Variants in TCF12 observed in about 807,000 individuals in gnomAD.
TCF12 encodes DNA-binding protein HTF4.
Under a neutral mutation model 86.0 loss-of-function variants are expected in TCF12, and 45 were observed. The ratio of observed to expected loss-of-function variants is 0.52; its 90% CI spans 0.41 to 0.67. The LOEUF is 0.67. TCF12 is among the 30% of genes least tolerant of loss of function. The pLI is 0.00. For synonymous variants in TCF12, 330 were observed against 299.6 expected (o/e 1.10, Z -1.05); for missense variants, 881 against 859.9 (o/e 1.02, Z -0.31).
intron 13 of TCF12, among the ~76,000 whole-genome samples, chr15:57,245,416 C>T (rs1332695135): frequency 1.3e-5 from 2 of 152,372 alleles, no homozygotes; most frequent in South Asian, 4.1e-4. Context: ...GTAACTCTAA[C>T]CCTACTCACC....
chr15:57,010,162 T>G (rs2064735243), intron 3 of TCF12, among the ~76,000 whole-genome samples: 1 of 152,100 alleles, frequency 6.6e-6, no homozygotes, highest in African/African-American at 2.4e-5. Context: ...CCCCTCCCTT[T>G]TTTTTAAAAA....
chr15:56,984,249 G>GATGTGT (rs2063055206), intron 3 of TCF12, among the ~76,000 whole-genome samples: 1 of 122,988 alleles, frequency 8.1e-6, no homozygotes, highest in South Asian at 3.0e-4. Flanking sequence ...GCATGTGCAT[G>GATGTGT]GTGTGTGTGT....
intron 13 of TCF12, among the ~76,000 whole-genome samples, chr15:57,243,840 A>G (rs1337317770): frequency 6.6e-6 from 1 of 152,188 alleles, no homozygotes; most frequent in Admixed American, 6.5e-5. Context: ...AATTGGAATG[A>G]AGATAAAATA....
chr15:57,187,560 A>G (rs2056746802), intron 6 of TCF12, among the ~76,000 whole-genome samples: 1 of 152,182 alleles, frequency 6.6e-6, no homozygotes, highest in Admixed American at 6.5e-5. Context: ...AAGAAAGTTT[A>G]CAAATTTGTG....
At chr15:57,200,252 A>C (rs1013150329) in intron 8 of TCF12, among the ~76,000 whole-genome samples, 1 of 152,114 alleles carries the variant, frequency 6.6e-6, no homozygotes. Context: ...TCTAGGATTA[A>C]CTGAAAAGAT....
At chr15:57,032,102 AGGAAAGAGCTTG>A (rs1473628401) in intron 3 of TCF12, among the ~76,000 whole-genome samples, 3 of 152,184 alleles carry the variant, frequency 2.0e-5, no homozygotes, top group Non-Finnish European at 4.4e-5. Context: ...TGGAAAAGAG[AGGAAAGAGCTTG>A]GGAAAGAGAC....
intron 4 of TCF12, among the ~76,000 whole-genome samples, chr15:57,075,791 T>TC (rs1491092534): frequency 4.3e-4 from 25 of 57,600 alleles, no homozygotes; most frequent in African/African-American, 1.7e-3. Context: ...TCTTTCTTTC[T>TC]TTCTTTCTTT....
chr15:57,133,459 G>T (rs1354517496), intron 5 of TCF12, among the ~76,000 whole-genome samples: 1 of 152,202 alleles, frequency 6.6e-6, no homozygotes, highest in African/African-American at 2.4e-5. Context: ...CAGAGAGCCT[G>T]CCCCCTCCGA....
At chr15:57,170,675 A>ATTATATATAATAT (rs1486411354) in intron 6 of TCF12, among the ~76,000 whole-genome samples, 1 of 9,472 alleles carries the variant, frequency 1.1e-4, no homozygotes, top group South Asian at 1.8e-3. Context: ...ATATATATAT[A>ATTATATATAATAT]ATATATTATA....
intron 5 of TCF12, among the ~76,000 whole-genome samples, chr15:57,113,663 G>T (rs138050329): frequency 2.0e-5 from 3 of 151,600 alleles, no homozygotes; most frequent in Non-Finnish European, 1.5e-5. Flanking sequence ...TTTAGGCTGG[G>T]CTCAGTCGCT....
At chr15:57,227,900 G>C (rs979101698) in intron 8 of TCF12, among the ~76,000 whole-genome samples, 5 of 151,900 alleles carry the variant, frequency 3.3e-5, no homozygotes, top group African/African-American at 1.2e-4. Flanking sequence ...TTGACTCCTG[G>C]TAGATTTTAA....
chr15:57,204,261 C>G (rs2057701726), intron 8 of TCF12, among the ~76,000 whole-genome samples: 1 of 151,942 alleles, frequency 6.6e-6, no homozygotes, highest in Non-Finnish European at 1.5e-5. Flanking sequence ...CATAGTGAGA[C>G]CTTGTCTGCA....
chr15:56,996,163 A>G (rs2063703810), intron 3 of TCF12, among the ~76,000 whole-genome samples: 1 of 151,950 alleles, frequency 6.6e-6, no homozygotes. Context: ...ATACCTTTTG[A>G]TGTGTTGGGG....
intron 3 of TCF12, among the ~76,000 whole-genome samples, chr15:56,949,670 C>T (rs1044568841): frequency 6.6e-6 from 1 of 152,140 alleles, no homozygotes; most frequent in Non-Finnish European, 1.5e-5. Context: ...ATAATTTGTG[C>T]CAGGCTCTGT....
chr15:57,262,327 C>G, intron 17 of TCF12, 119 bp downstream of exon 17: 1 of 770,990 alleles, frequency 1.3e-6, no homozygotes, highest in Non-Finnish European at 2.1e-6. Context: ...TGAGGGAATT[C>G]CAAATAGCGT....
chr15:57,097,755 G>T (rs1478200499), intron 5 of TCF12, among the ~76,000 whole-genome samples: 2 of 152,096 alleles, frequency 1.3e-5, no homozygotes, highest in African/African-American at 2.4e-5. Context: ...ACCTTTGGCT[G>T]TGCTGACAAA....
At chr15:57,172,048 G>T (rs188671599) in intron 6 of TCF12, among the ~76,000 whole-genome samples, 1 of 152,170 alleles carries the variant, frequency 6.6e-6, no homozygotes, top group Admixed American at 6.5e-5. Context: ...TTTAAAAACT[G>T]TACCTTACTT....
At chr15:57,073,152 T>C (rs2151009226) in intron 4 of TCF12, among the ~76,000 whole-genome samples, 1 of 152,338 alleles carries the variant, frequency 6.6e-6, no homozygotes, top group African/African-American at 2.4e-5. Context: ...TGTCAATTTC[T>C]CACCTTACTG....
intron 6 of TCF12, among the ~76,000 whole-genome samples, chr15:57,170,719 A>G (rs1597031343): frequency 8.4e-4 from 2 of 2,394 alleles, no homozygotes; most frequent in Non-Finnish European, 2.1e-3. Flanking sequence ...TATAATATAT[A>G]TATTATATAT....
Sources: gnomAD v4.1 joint callset for allele counts (sites outside exome capture counted in the v4.1 genomes callset) on GRCh38, gnomAD v4.1.1 for gene constraint, MANE v1.5 for transcripts, NCBI Gene and HGNC (gene_info 2026-07-23, HGNC 2026-07-21) for gene names.